SMARCA2: variants seen among roughly 807,000 people sequenced by gnomAD.
The protein encoded by SMARCA2 is SWI/SNF-related matrix-associated actin-dependent regulator of chromatin subfamily A member 2.
In SMARCA2, 61 loss-of-function variants were observed where a neutral mutation model predicts 199.8. The observed-to-expected ratio is 0.31, with a 90% CI of 0.25 to 0.38. The LOEUF (loss-of-function observed/expected upper bound fraction) is 0.38. Among genes scored for constraint, SMARCA2 ranks in the 10% least tolerant of loss-of-function variants. SMARCA2 has a pLI of 1.00. For synonymous variants in SMARCA2, 935 were observed against 732.0 expected, an observed-to-expected ratio of 1.28 and a Z score of -4.48; for missense variants, 1,344 against 2,012.2, an observed-to-expected ratio of 0.67 and a Z score of 6.35.
intron 23 of SMARCA2, among the ~76,000 whole-genome samples, chr9:2,107,120 T>A (rs1048042910): frequency 5.3e-5 from 8 of 151,604 alleles, no homozygotes; most frequent in Non-Finnish European, 1.0e-4. Flanking sequence ...ACAAAAAAAA[T>A]TTGTTAAATT....
intron 10 of SMARCA2, among the ~76,000 whole-genome samples, chr9:2,071,123 C>T (rs966831382): frequency 5.3e-5 from 8 of 152,168 alleles, no homozygotes; most frequent in Non-Finnish European, 1.5e-5. Context: ...TTCAAATTAT[C>T]TTCATTTTGT....
chr9:2,085,268 C>A (rs746702753), intron 17 of SMARCA2, among the ~76,000 whole-genome samples: 1 of 152,152 alleles, frequency 6.6e-6, no homozygotes, highest in South Asian at 2.1e-4. Flanking sequence ...TGTGTTTGTA[C>A]ATTTGAGATC....
intron 27 of SMARCA2, among the ~76,000 whole-genome samples, chr9:2,156,196 C>A (rs533969627): frequency 1.3e-5 from 2 of 152,150 alleles, no homozygotes; most frequent in South Asian, 4.2e-4. Context: ...CAAGACTGAA[C>A]GTGCTATCTG....
intron 22 of SMARCA2, among the ~76,000 whole-genome samples, chr9:2,103,699 G>A (rs1822630693): frequency 6.6e-6 from 1 of 151,680 alleles, no homozygotes; most frequent in Admixed American, 6.6e-5. Flanking sequence ...CGAGGAGAAA[G>A]AATAAGTTGA....
chr9:2,177,510 GA>G (rs199515774), intron 29 of SMARCA2, among the ~76,000 whole-genome samples: 3 of 148,754 alleles, frequency 2.0e-5, no homozygotes, highest in East Asian at 1.9e-4. Flanking sequence ...CCTGGTCCTG[GA>G]AAAAAAAATC....
intron 27 of SMARCA2, among the ~76,000 whole-genome samples, chr9:2,139,025 T>A (rs1466476230): frequency 6.6e-6 from 1 of 151,706 alleles, no homozygotes; most frequent in African/African-American, 2.4e-5. Flanking sequence ...TTTTGGGGAC[T>A]CACCTGTAGC....
chr9:2,050,544 C>T (rs371719135), intron 5 of SMARCA2, among the ~76,000 whole-genome samples: 1 of 151,900 alleles, frequency 6.6e-6, no homozygotes, highest in South Asian at 2.1e-4. Context: ...CAGCCCTCTT[C>T]GGAATAAAGT....
chr9:2,176,182 G>GTTTTTTTTTTTTTTTTTTTTTT (rs56186732), intron 29 of SMARCA2, among the ~76,000 whole-genome samples: 9 of 104,144 alleles, frequency 8.6e-5, no homozygotes, highest in African/African-American at 2.6e-4. Flanking sequence ...CGCCCGGCCT[G>GTTTTTTTTTTTTTTTTTTTTTT]TTTTTTTTTT....
chr9:2,064,138 G>C (rs1563742689), intron 9 of SMARCA2, among the ~76,000 whole-genome samples: 1 of 152,220 alleles, frequency 6.6e-6, no homozygotes, highest in Admixed American at 6.5e-5. Context: ...AGAGAATGGG[G>C]CTAGATCAAG....
Position 2,039,880 on chromosome 9 carries a change from T to C in SMARCA2, c.770T>C (p.Val257Ala). 2 of 1,613,842 alleles carry C rather than the reference T, an allele frequency of 1.2e-6. No homozygotes were observed. The highest frequency in any genetic ancestry group is 1.7e-6 in the Non-Finnish European group (2 of 1,179,980). The stretch of plus-strand genomic sequence containing the variant: ...CAGCAACAACAGCAGCCGGCCCTTG[T>C]TAACTACAACAGACCATCTGGTAGG... ...QTQQQQQPAL[V>A]NYNRPSGPGP... is the part of the protein sequence containing the mutation. The change falls in exon 4 of 34, where the codon GTT (valine) becomes GCT (alanine). Residue 257 changes from valine (V) to alanine (A), a missense_variant. Val to Ala is a moderately conservative substitution (Grantham distance 64). Coordinates refer to ENST00000349721, the MANE Select transcript of SMARCA2 (RefSeq NM_003070.5). The surrounding 1 kb of genome is among the most constrained non-coding windows in gnomAD (Gnocchi z 4.8).
chr9:2,101,659 G>A (rs374343786), intron 22 of SMARCA2, 43 bp downstream of exon 22: 4 of 1,051,050 alleles, frequency 3.8e-6, no homozygotes, highest in Non-Finnish European at 5.8e-6. Flanking sequence ...AAATGTTGTT[G>A]GCCTTACATA....
chr9:2,112,658 G>C (rs377696341), intron 24 of SMARCA2, among the ~76,000 whole-genome samples: 5 of 152,108 alleles, frequency 3.3e-5, no homozygotes, highest in African/African-American at 1.2e-4. Flanking sequence ...CTCACACTGG[G>C]CCTCTGCAAG....
At chr9:2,157,587 T>G in intron 27 of SMARCA2, 1 of 284,782 alleles carries the variant, frequency 3.5e-6, no homozygotes. Flanking sequence ...TGGAAGAAAT[T>G]TCCATGCCTT....
At position 2,047,457 on chromosome 9, in the gene SMARCA2, T is replaced by C; in HGVS notation, c.1019T>C (p.Val340Ala). ...CAGAAACCGCAAGGCCTGGACCCCG[T>C]GGAAATTCTGCAAGAGCGGGAATAC... is the stretch of plus-strand genomic sequence containing the variant. Reference protein sequence around the residue: ...PIQKPQGLDPVEILQEREYRL... With the variant: ...PIQKPQGLDPAEILQEREYRL... The change falls in exon 5 of 34, where the codon GTG (valine) becomes GCG (alanine). Residue 340 changes from valine to alanine, a missense_variant. By Grantham distance (64) the Val-to-Ala change is moderately conservative. Coordinates refer to ENST00000349721, the MANE Select transcript of SMARCA2 (RefSeq NM_003070.5). The C allele has an allele frequency of 6.5e-7, 1 of 1,540,960 alleles. No homozygotes were observed. Among genetic ancestry groups the C allele is most frequent in the Non-Finnish European group, 8.7e-7 (1 of 1,146,924 alleles).
intron 24 of SMARCA2, among the ~76,000 whole-genome samples, chr9:2,111,183 A>G (rs1030052875): frequency 2.0e-5 from 3 of 151,998 alleles, no homozygotes; most frequent in Non-Finnish European, 4.4e-5. Context: ...GCAAATGTTG[A>G]ATTCAAAACA....
At chr9:2,062,374 A>G (rs934887012) in intron 9 of SMARCA2, among the ~76,000 whole-genome samples, 1 of 152,190 alleles carries the variant, frequency 6.6e-6, no homozygotes, top group Non-Finnish European at 1.5e-5. Flanking sequence ...TAGTGTTTTT[A>G]GTATTAAAAT....
chr9:2,039,798 CA>C lies in SMARCA2; in HGVS notation c.689del (p.Gln230ArgfsTer40), dbSNP rs761550852. The part of the protein sequence containing the change: ...QQQQQQQQQQ[Q>X]QQQQQQQQPQ... ...GCAACAGCAGCAGCAGCAGCAGCAG[CA>C]GCAGCAGCAGCAGCAGCAACAGCAG... On this transcript the variant is annotated frameshift_variant, in exon 4 of 34. Transcript: ENST00000349721. LOFTEE classifies it high-confidence loss of function. The surrounding 1 kb of genome is among the most constrained non-coding windows in gnomAD (Gnocchi z 4.8). 9.4e-5 allele frequency: 151 copies of C among 1,604,752 alleles called. 1 individual carries two copies. In the East Asian group the frequency reaches 2.8e-3, roughly 30 times the overall value.
At position 2,121,150 on chromosome 9, in the gene SMARCA2, C is replaced by A. The variant is rs377699592; in HGVS notation, c.3762+1615C>A. ...AGATTAGGCCCAGAAATGGAGAATT[C>A]TTTCAGCAGCCCTGAAGTAAGGGGG... On this transcript the variant is annotated intron_variant, in intron 26 of 33. Coordinates refer to ENST00000349721, the MANE Select transcript of SMARCA2 (RefSeq NM_003070.5). Among the ~76,000 whole-genome samples, 72 of 152,330 alleles carry A rather than the reference C, an allele frequency of 4.7e-4. No homozygotes were observed. In the East Asian group the frequency reaches 7.3e-3, roughly 16 times the overall value.
At chr9:2,096,099 CTGTTCTCACTATG>C (rs1822264203) in intron 19 of SMARCA2, among the ~76,000 whole-genome samples, 1 of 152,134 alleles carries the variant, frequency 6.6e-6, no homozygotes, top group Non-Finnish European at 1.5e-5. Flanking sequence ...TCTCTTCCAC[CTGTTCTCACTATG>C]TTGTATCCTG....
Sources: gnomAD v4.1 joint callset for allele counts (sites outside exome capture counted in the v4.1 genomes callset) on GRCh38, gnomAD v4.1.1 for gene constraint, Gnocchi (gnomAD v3.1) non-coding constraint, MANE v1.5 for transcripts, NCBI Gene and HGNC (gene_info 2026-07-23, HGNC 2026-07-21) for gene names.